The following APCDD1L variants were observed in gnomAD, a reference collection of about 807,000 sequenced individuals.
The protein encoded by APCDD1L is protein APCDD1-like.
Under a neutral mutation model 24.2 loss-of-function variants are expected in APCDD1L, and 21 were observed. The observed-to-expected ratio is 0.87, with a 90% CI of 0.61 to 1.25. The LOEUF is 1.25. Ranked by LOEUF, APCDD1L falls within the 50% of genes most tolerant of loss-of-function variation. APCDD1L has a pLI of 0.00. For synonymous variants in APCDD1L, 321 were observed against 323.6 expected, an observed-to-expected ratio of 0.99 and a Z score of 0.09; for missense variants, 704 against 711.7, an observed-to-expected ratio of 0.99 and a Z score of 0.12.
At chr20:58,502,248 C>G (rs1174065874) in intron 1 of APCDD1L, among the ~76,000 whole-genome samples, 1 of 152,048 alleles carries the variant, frequency 6.6e-6, no homozygotes, top group Admixed American at 6.6e-5. Context: ...TTACAGGTGC[C>G]CACCACCATG....
chr20:58,493,607 T>C (rs1229395850), intron 1 of APCDD1L, among the ~76,000 whole-genome samples: 3 of 151,876 alleles, frequency 2.0e-5, no homozygotes, highest in Non-Finnish European at 1.5e-5. Context: ...CACAGAAGAA[T>C]ACATACAGGG....
At chr20:58,490,809 G>A (rs1990211577) in intron 1 of APCDD1L, among the ~76,000 whole-genome samples, 1 of 152,192 alleles carries the variant, frequency 6.6e-6, no homozygotes, top group Admixed American at 6.5e-5. Context: ...CCTTTTGAGG[G>A]CAGTGTGAAA....
chr20:58,504,927 C>T (rs1189248116), intron 1 of APCDD1L, among the ~76,000 whole-genome samples: 1 of 152,230 alleles, frequency 6.6e-6, no homozygotes, highest in Non-Finnish European at 1.5e-5. Context: ...ACCTCTGTTA[C>T]ATTTCTAACC....
At chr20:58,490,181 CT>C (rs1303042922) in intron 1 of APCDD1L, among the ~76,000 whole-genome samples, 1 of 152,136 alleles carries the variant, frequency 6.6e-6, no homozygotes, top group Non-Finnish European at 1.5e-5. Flanking sequence ...CAGAAAGTTT[CT>C]TTTTCAGCTT....
At chr20:58,514,467 C>T (rs1219315011) in intron 1 of APCDD1L, among the ~76,000 whole-genome samples, 192 bp downstream of exon 1, 2 of 152,248 alleles carry the variant, frequency 1.3e-5, no homozygotes, top group Non-Finnish European at 1.5e-5. Flanking sequence ...CTCCCGCAGG[C>T]CCCAGGAAGC....
chr20:58,514,972 A>G lies in APCDD1L; in HGVS notation c.-265T>C. The stretch of plus-strand genomic sequence containing the variant: ...CCCGGCGAGGCGCGCACACCCGCGC[A>G]GCGCGCACAGCCCCCTGGTGCAGCT... On this transcript the variant is annotated 5_prime_UTR_variant, in exon 1 of 4. Transcript: ENST00000371149. 1 of 343,638 alleles carries G rather than the reference A, an allele frequency of 2.9e-6. No individual in the cohort carries two copies. Among genetic ancestry groups the G allele is most frequent in the Non-Finnish European group, 5.2e-6 (1 of 191,474 alleles). 21.3% of individuals were successfully genotyped at this position (343,638 alleles called of 1,614,324 possible). A position where few individuals can be genotyped will look rare whatever the true frequency, so the allele number is the denominator to read the frequency against.
chr20:58,476,706 A>G (rs975563400), intron 1 of APCDD1L, among the ~76,000 whole-genome samples: 14 of 152,210 alleles, frequency 9.2e-5, no homozygotes, highest in Non-Finnish European at 1.9e-4. Context: ...ACTTGGTTCA[A>G]TATCCAAGCT....
rs1473318151 is a variant in APCDD1L at position 58,515,017 on chromosome 20, G to A, written c.-310C>T. On this transcript the variant is annotated 5_prime_UTR_variant, in exon 1 of 4. Transcript: ENST00000371149. ...GCAGCTCCTGCCATTCAGACCCCCA[G>A]CCCTCCCCCAGATGTCCGTCCCCTG... The A allele has an allele frequency of 7.9e-5, 23 of 290,916 alleles. No homozygotes were observed. Among genetic ancestry groups the A allele is most frequent in the Middle Eastern group, 9.7e-4 (1 of 1,032 alleles). 18.0% of individuals were successfully genotyped at this position (290,916 alleles called of 1,614,324 possible). A position where few individuals can be genotyped will look rare whatever the true frequency, so the allele number is the denominator to read the frequency against.
intron 1 of APCDD1L, among the ~76,000 whole-genome samples, chr20:58,501,048 C>T (rs1271550734): frequency 1.3e-5 from 2 of 152,166 alleles, no homozygotes; most frequent in Non-Finnish European, 2.9e-5. Flanking sequence ...GGGAACCCCT[C>T]CTTGAGGCTA....
intron 1 of APCDD1L, among the ~76,000 whole-genome samples, chr20:58,481,675 GC>G (rs1372067638): frequency 1.3e-5 from 2 of 152,178 alleles, no homozygotes; most frequent in African/African-American, 4.8e-5. Flanking sequence ...CCACAAGGGG[GC>G]CCTCTTGAGC....
chr20:58,506,621 C>T (rs774891781), intron 1 of APCDD1L, among the ~76,000 whole-genome samples: 5 of 152,184 alleles, frequency 3.3e-5, no homozygotes, highest in East Asian at 1.9e-4. Context: ...AATTGAATTC[C>T]GGAGCCCAGC....
At chr20:58,488,204 C>T (rs1278711347) in intron 1 of APCDD1L, among the ~76,000 whole-genome samples, 5 of 152,128 alleles carry the variant, frequency 3.3e-5, no homozygotes, top group Non-Finnish European at 7.4e-5. Context: ...TGTGAAACCC[C>T]CTTTTGTCTA....
intron 1 of APCDD1L, among the ~76,000 whole-genome samples, chr20:58,472,111 G>A (rs910911019): frequency 5.9e-5 from 9 of 152,310 alleles, no homozygotes; most frequent in African/African-American, 1.9e-4. Context: ...TGCCCCAGGG[G>A]TATTTGAGGA....
intron 3 of APCDD1L, among the ~76,000 whole-genome samples, chr20:58,464,690 ATC>A (rs749274244): frequency 1.3e-4 from 20 of 152,150 alleles, no homozygotes; most frequent in Non-Finnish European, 2.8e-4. Flanking sequence ...GAATTTGGGG[ATC>A]AAATTGGTTT....
rs557718444 is a variant in APCDD1L at position 58,482,756 on chromosome 20, C to T, written c.50-12009G>A. ...TGCCTCCATCTTACAGACCCCAAAA[C>T]GGAGGCTCAGAAGGGAAAGCCTGAC... is the stretch of plus-strand genomic sequence containing the variant. On this transcript the variant is annotated intron_variant, in intron 1 of 3. Coordinates refer to ENST00000371149, the MANE Select transcript of APCDD1L (RefSeq NM_153360.3). Among the ~76,000 whole-genome samples, 6 of 152,292 alleles carry T rather than the reference C, an allele frequency of 3.9e-5. No individual in the cohort carries two copies. The South Asian group carries it at 1.0e-3, about 26-fold the overall frequency.
chr20:58,513,628 C>A (rs1990676472), intron 1 of APCDD1L, among the ~76,000 whole-genome samples: 1 of 152,196 alleles, frequency 6.6e-6, no homozygotes. Flanking sequence ...GACCGCGCAG[C>A]CCCTCTTCAC....
At chr20:58,463,875 A>T in intron 3 of APCDD1L, among the ~76,000 whole-genome samples, 1 of 107,598 alleles carries the variant, frequency 9.3e-6, no homozygotes, top group Non-Finnish European at 1.7e-5. Flanking sequence ...ATACTGGATG[A>T]TTGAGAACAG....
intron 3 of APCDD1L, 150 bp downstream of exon 3, chr20:58,466,956 C>A (rs1055169013): frequency 7.5e-5 from 74 of 991,828 alleles, no homozygotes; most frequent in Non-Finnish European, 1.0e-4. Flanking sequence ...TCCTGAGGCA[C>A]GCGGACCAGA....
At chr20:58,512,851 C>T (rs1990654030) in intron 1 of APCDD1L, among the ~76,000 whole-genome samples, 1 of 152,154 alleles carries the variant, frequency 6.6e-6, no homozygotes, top group Admixed American at 6.5e-5. Flanking sequence ...ACGGCACCCT[C>T]CCCCTTTCTG....
Sources: gnomAD v4.1 joint callset for allele counts (sites outside exome capture counted in the v4.1 genomes callset) on GRCh38, gnomAD v4.1.1 for gene constraint, MANE v1.5 for transcripts, NCBI Gene and HGNC (gene_info 2026-07-23, HGNC 2026-07-21) for gene names.